Variants in RRBP1 observed in about 807,000 individuals in gnomAD.
RRBP1 encodes the protein ribosome-binding protein 1.
In RRBP1, 94 loss-of-function variants were observed where a neutral mutation model predicts 165.2. The observed-to-expected ratio is 0.57, with a 90% CI of 0.48 to 0.68. RRBP1 has a LOEUF of 0.68. RRBP1 is among the 30% of genes least tolerant of loss of function. RRBP1 has a pLI of 0.00. For missense variants in RRBP1, 1,676 were observed against 1,763.0 expected (o/e 0.95, Z 0.88); for synonymous variants, 680 against 714.5 (o/e 0.95, Z 0.77).
At chr20:17,667,238 T>C (rs1287878043) in intron 2 of RRBP1, among the ~76,000 whole-genome samples, 1 of 152,226 alleles carries the variant, frequency 6.6e-6, no homozygotes, top group Non-Finnish European at 1.5e-5. Context: ...GGATTAGTGT[T>C]CTGAGATCTT....
intron 5 of RRBP1, among the ~76,000 whole-genome samples, chr20:17,641,261 G>C (rs150730030): frequency 4.4e-4 from 67 of 152,360 alleles, no homozygotes; most frequent in African/African-American, 1.4e-3. Flanking sequence ...TGTTCAGAGT[G>C]CAAATGCTAC....
intron 2 of RRBP1, among the ~76,000 whole-genome samples, chr20:17,670,284 G>A (rs979290106): frequency 1.4e-4 from 21 of 151,948 alleles, no homozygotes; most frequent in African/African-American, 4.8e-4. Flanking sequence ...ACATACTGCT[G>A]GACTTTGTTT....
intron 3 of RRBP1, among the ~76,000 whole-genome samples, chr20:17,647,332 G>A (rs956323761): frequency 1.3e-5 from 2 of 152,246 alleles, no homozygotes; most frequent in Admixed American, 1.3e-4. Context: ...AGGCTTTAAG[G>A]CATTGGGCCA....
chr20:17,670,430 G>T (rs1206267391), intron 2 of RRBP1, among the ~76,000 whole-genome samples: 2 of 105,118 alleles, frequency 1.9e-5, no homozygotes, highest in African/African-American at 3.1e-5. Flanking sequence ...CTACTTTTTA[G>T]CAATTACCTT....
intron 2 of RRBP1, among the ~76,000 whole-genome samples, chr20:17,670,379 A>G (rs959639643): frequency 2.0e-5 from 3 of 151,472 alleles, no homozygotes; most frequent in African/African-American, 7.3e-5. Flanking sequence ...GGCTGGCATC[A>G]AAATGAGTAG....
In RRBP1 at chr20:17,621,874, A is replaced by G; in HGVS notation, c.3221T>C (p.Leu1074Pro). The G allele has an allele frequency of 6.2e-7, 1 of 1,611,062 alleles. No individual in the cohort carries two copies. The highest frequency in any genetic ancestry group is 8.5e-7 in the Non-Finnish European group (1 of 1,178,278). Residue 1074 changes from leucine (L) to proline (P), a missense_variant, in exon 14 of 25, where the codon CTC becomes CCC. Physicochemically the swap from Leu to Pro is moderately conservative, Grantham distance 98. This residue lies in a region of RRBP1 where 1,184 missense variants were observed against 1,167.1 expected (regional missense o/e 1.01). Coordinates refer to ENST00000377813, the MANE Select transcript of RRBP1 (RefSeq NM_001365613.2). ...TCCTACCTGTTGTGCCAAGACAGAG[A>G]GTTCTGGGAGCAGAGCCAGCAGGGC... Reference protein sequence around the residue: ...MEALLALLPELSVLAQQNYTE... With the variant: ...MEALLALLPEPSVLAQQNYTE...
chr20:17,627,185 C>CA (rs2036041437), intron 11 of RRBP1, among the ~76,000 whole-genome samples, 163 bp downstream of exon 11: 2 of 90,648 alleles, frequency 2.2e-5, no homozygotes, highest in Non-Finnish European at 6.4e-5. Flanking sequence ...CCAGGCCTGT[C>CA]CCGTCCTCTA....
At chr20:17,645,923 T>C (rs1294171563) in intron 3 of RRBP1, among the ~76,000 whole-genome samples, 1 of 152,120 alleles carries the variant, frequency 6.6e-6, no homozygotes, top group African/African-American at 2.4e-5. Flanking sequence ...TTGGTGGGTA[T>C]GAAATACCAG....
At chr20:17,646,636 C>G (rs1372883982) in intron 3 of RRBP1, among the ~76,000 whole-genome samples, 1 of 152,190 alleles carries the variant, frequency 6.6e-6, no homozygotes, top group East Asian at 1.9e-4. Flanking sequence ...TCAGCATGGC[C>G]GGCCTTCAAG....
At chr20:17,651,952 G>A (rs2036566899) in intron 3 of RRBP1, among the ~76,000 whole-genome samples, 1 of 152,194 alleles carries the variant, frequency 6.6e-6, no homozygotes, top group African/African-American at 2.4e-5. Context: ...CTCCTGCCAG[G>A]TCTCCCTCTG....
In RRBP1 at chr20:17,679,456, G is replaced by A. The variant is rs1055154767; in HGVS notation, c.-22+543C>T. 3.3e-5 allele frequency among the ~76,000 whole-genome samples: 5 copies of A among 152,162 alleles called. No homozygotes were observed. In the East Asian group the frequency reaches 5.8e-4, roughly 18 times the overall value. ...TTGTTTCTCCTGAAACAAGATTTTA[G>A]CAAAGAAAAACTTGCTGTCTCAACA... is the stretch of plus-strand genomic sequence containing the variant. On this transcript the variant is annotated intron_variant, in intron 2 of 24. Transcript: ENST00000377813.
intron 2 of RRBP1, among the ~76,000 whole-genome samples, chr20:17,663,188 A>G (rs1460984100): frequency 6.6e-6 from 1 of 152,216 alleles, no homozygotes; most frequent in Admixed American, 6.5e-5. Context: ...ACCGTGACAC[A>G]GTGAACAGCC....
intron 5 of RRBP1, among the ~76,000 whole-genome samples, chr20:17,641,179 C>T (rs2036349735): frequency 6.6e-6 from 1 of 152,208 alleles, no homozygotes; most frequent in Non-Finnish European, 1.5e-5. Context: ...AGCCCCTATG[C>T]CATGGATCCC....
rs1363326723 is a variant in RRBP1, at chr20:17,614,111, GGTTT to G, written c.*67_*70del. 11 of 1,484,826 alleles carry G rather than the reference GGTTT, an allele frequency of 7.4e-6. No homozygotes were observed. In the African/African-American group the frequency reaches 8.3e-5, roughly 11 times the overall value. The allele number at this position is 1,484,826 out of a possible 1,614,324, so 92.0% of individuals were successfully genotyped here. On this transcript the variant is annotated 3_prime_UTR_variant, in exon 25 of 25. Transcript: ENST00000377813. ...CTGGATAACGCTGTGTAGGTTGGTT[GGTTT>G]ATTTGTAAGGAATGTGTAAGGCATT...
rs2036052198 is a variant in RRBP1 at position 17,627,553 on chromosome 20, A to G, written c.2879T>C (p.Ile960Thr). 3 of 1,613,378 alleles carry G rather than the reference A, an allele frequency of 1.9e-6. No individual in the cohort carries two copies. The highest frequency in any genetic ancestry group is 1.7e-6 in the Non-Finnish European group (2 of 1,179,876). ...NSQLTERIRS[I>T]EALLEAGQAR... The stretch of plus-strand genomic sequence containing the variant: ...CTGGCCCGCCTCCAGCAGGGCCTCA[A>G]TGGAACGGATTCTCTCTGTGAGCTG... Residue 960 changes from isoleucine to threonine, a missense_variant, in exon 10 of 25, where the codon ATT becomes ACT. This residue lies in a region of RRBP1 where 1,184 missense variants were observed against 1,167.1 expected (regional missense o/e 1.01). Coordinates refer to ENST00000377813, the MANE Select transcript of RRBP1 (RefSeq NM_001365613.2).
At chr20:17,648,077 C>T (rs1245433586) in intron 3 of RRBP1, among the ~76,000 whole-genome samples, 1 of 152,222 alleles carries the variant, frequency 6.6e-6, no homozygotes, top group Non-Finnish European at 1.5e-5. Flanking sequence ...TGAGGACAAG[C>T]TCCCCATTCC....
intron 21 of RRBP1, among the ~76,000 whole-genome samples, chr20:17,616,477 G>C (rs1459381913): frequency 6.6e-6 from 1 of 152,164 alleles, no homozygotes; most frequent in Non-Finnish European, 1.5e-5. Context: ...TGTAGGTGCA[G>C]ACCCCAAATC....
At chr20:17,649,526 T>C (rs913630076) in intron 3 of RRBP1, among the ~76,000 whole-genome samples, 7 of 143,148 alleles carry the variant, frequency 4.9e-5, no homozygotes, top group African/African-American at 1.6e-4. Flanking sequence ...GCGTCAGACC[T>C]GCTGTGCTAA....
Position 17,616,503 on chromosome 20 carries a change from G to A in RRBP1, c.3867+229C>T, listed in dbSNP as rs1227374397. ...ACCCCAAATCACGGACTCCCTCTTC[G>A]AGTCCCACCTCCCCCCAACTCCTCC... On this transcript the variant is annotated intron_variant, in intron 21 of 24. Coordinates refer to ENST00000377813, the MANE Select transcript of RRBP1 (RefSeq NM_001365613.2). Among the ~76,000 whole-genome samples the A allele has an allele frequency of 2.6e-5, 4 of 152,058 alleles. No homozygotes were observed. The South Asian group carries it at 8.3e-4, about 32-fold the overall frequency.
Sources: gnomAD v4.1 joint callset for allele counts (sites outside exome capture counted in the v4.1 genomes callset) on GRCh38, gnomAD v4.1.1 for gene constraint, gnomAD v4.1.1 regional missense constraint, MANE v1.5 for transcripts, NCBI Gene and HGNC (gene_info 2026-07-23, HGNC 2026-07-21) for gene names.